Variants in CDK14 observed in about 807,000 individuals in gnomAD.
The protein encoded by CDK14 is cyclin-dependent kinase 14.
CDK14 carries 34 observed loss-of-function variants against 60.7 expected under a neutral mutation model. The observed-to-expected ratio is 0.56, with a 90% confidence interval of 0.43 to 0.75. The LOEUF (loss-of-function observed/expected upper bound fraction) is 0.75, where lower values mean the gene tolerates loss of function less well. CDK14 is among the 30% of genes least tolerant of loss of function. The pLI is 0.00. For synonymous variants in CDK14, 197 were observed against 203.7 expected, an observed-to-expected ratio of 0.97 and a Z score of 0.28; for missense variants, 482 against 564.1, an observed-to-expected ratio of 0.85 and a Z score of 1.47.
chr7:90,750,643 C>T (rs1253685916), intron 4 of CDK14, among the ~76,000 whole-genome samples: 2 of 152,072 alleles, frequency 1.3e-5, no homozygotes, highest in African/African-American at 2.4e-5. Context: ...GAGGCCAAGG[C>T]GAGCGGATCA....
At chr7:91,196,971 G>C (rs1370108182) in intron 14 of CDK14, among the ~76,000 whole-genome samples, 3 of 152,152 alleles carry the variant, frequency 2.0e-5, no homozygotes, top group Non-Finnish European at 4.4e-5. Context: ...GTGTAATAAA[G>C]TGCCAAACCT....
chr7:90,854,466 G>C (rs914758965), intron 5 of CDK14, among the ~76,000 whole-genome samples: 29 of 152,238 alleles, frequency 1.9e-4, no homozygotes, highest in African/African-American at 6.7e-4. Flanking sequence ...GGAGGTTGAG[G>C]CTGCAATGAG....
chr7:90,826,398 T>C (rs1215751875), intron 5 of CDK14, among the ~76,000 whole-genome samples: 1 of 152,048 alleles, frequency 6.6e-6, no homozygotes, highest in East Asian at 1.9e-4. Flanking sequence ...TTTGTATTTT[T>C]AGTAGAGACA....
At chr7:90,990,650 T>C (rs971332670) in intron 10 of CDK14, among the ~76,000 whole-genome samples, 2 of 152,154 alleles carry the variant, frequency 1.3e-5, no homozygotes, top group African/African-American at 4.8e-5. Context: ...ATTTTCACAA[T>C]TGAGTTCATG....
At chr7:90,961,741 C>T (rs1794609157) in intron 9 of CDK14, among the ~76,000 whole-genome samples, 1 of 152,192 alleles carries the variant, frequency 6.6e-6, no homozygotes, top group South Asian at 2.1e-4. Flanking sequence ...GAACTGGGGA[C>T]AGTCAGAAGG....
rs1796733191 is a variant in CDK14, at chr7:91,030,570, A to G, written c.1042-15327A>G. Among the ~76,000 whole-genome samples the G allele has an allele frequency of 2.0e-5, 3 of 152,134 alleles. No individual in the cohort carries two copies. In the South Asian group the frequency reaches 6.2e-4, roughly 32 times the overall value. ...TTCTGCCTCTCAAATGCCCCATCCT[A>G]AGTGCAAGTAGGTGCCCCTGTGAAA... On this transcript the variant is annotated intron_variant, in intron 10 of 14. Coordinates refer to ENST00000380050, the MANE Select transcript of CDK14 (RefSeq NM_001287135.2).
intron 10 of CDK14, among the ~76,000 whole-genome samples, chr7:91,012,503 A>C (rs1273800149): frequency 6.6e-6 from 1 of 152,282 alleles, no homozygotes; most frequent in African/African-American, 2.4e-5. Flanking sequence ...ATGTGTCTTC[A>C]ACTCAGGGAG....
intron 14 of CDK14, among the ~76,000 whole-genome samples, chr7:91,153,857 C>G (rs2115701814): frequency 6.6e-6 from 1 of 152,160 alleles, no homozygotes; most frequent in East Asian, 1.9e-4. Flanking sequence ...TGTAACAAAC[C>G]TGCATATGTA....
At chr7:91,099,718 G>T (rs1220138613) in intron 12 of CDK14, among the ~76,000 whole-genome samples, 1 of 152,084 alleles carries the variant, frequency 6.6e-6, no homozygotes, top group Non-Finnish European at 1.5e-5. Flanking sequence ...AAGGTTGTGA[G>T]TTACCTAATG....
At chr7:90,922,137 A>G (rs925147452) in intron 8 of CDK14, among the ~76,000 whole-genome samples, 1 of 152,204 alleles carries the variant, frequency 6.6e-6, no homozygotes, top group African/African-American at 2.4e-5. Context: ...TTTATGCACA[A>G]AATTCACCAT....
intron 8 of CDK14, among the ~76,000 whole-genome samples, chr7:90,949,602 C>A (rs1436588471): frequency 6.6e-6 from 1 of 152,050 alleles, no homozygotes; most frequent in Non-Finnish European, 1.5e-5. Context: ...TAAATAAAAT[C>A]AAATATTACC....
rs10233004 is a variant in CDK14, at chr7:90,969,672, C to T, written c.947+13855C>T. ...CTATGCTTATTCCTTAGAGAAGGGC[C>T]GTTATTGGTAGAGTTTTAAATGAAT... On this transcript the variant is annotated intron_variant, in intron 9 of 14. Transcript: ENST00000380050. Among the ~76,000 whole-genome samples, 518 of 152,102 alleles carry T rather than the reference C, an allele frequency of 3.4e-3. 3 individuals carry two copies. Among genetic ancestry groups the T allele is most frequent in the African/African-American group, 0.012 (480 of 41,486 alleles).
intron 2 of CDK14, among the ~76,000 whole-genome samples, chr7:90,711,400 G>A (rs73220681): frequency 0.14 from 20,886 of 150,762 alleles, 1,700 homozygotes; most frequent in Middle Eastern, 0.24. Flanking sequence ...AAGATGATGC[G>A]CCCTGTGTTT....
intron 10 of CDK14, among the ~76,000 whole-genome samples, chr7:91,016,982 TAAGG>T (rs775265075): frequency 1.2e-4 from 19 of 152,184 alleles, no homozygotes; most frequent in Non-Finnish European, 2.5e-4. Context: ...AAAATGATAT[TAAGG>T]AAGAAGGCAG....
At chr7:90,706,182 T>C (rs954880600) in intron 2 of CDK14, among the ~76,000 whole-genome samples, 3 of 152,186 alleles carry the variant, frequency 2.0e-5, no homozygotes, top group Non-Finnish European at 4.4e-5. Context: ...GACATCTCAA[T>C]GGCCTCTAAT....
At chr7:90,907,940 T>C (rs1792765937) in intron 7 of CDK14, among the ~76,000 whole-genome samples, 1 of 152,150 alleles carries the variant, frequency 6.6e-6, no homozygotes, top group Non-Finnish European at 1.5e-5. Flanking sequence ...TTTCTCCATA[T>C]TCTTCATTAG....
intron 6 of CDK14, among the ~76,000 whole-genome samples, chr7:90,871,829 G>T (rs927879190): frequency 5.9e-5 from 9 of 152,168 alleles, no homozygotes; most frequent in African/African-American, 2.2e-4. Flanking sequence ...GTTTCCAGTG[G>T]CTACATCATA....
intron 2 of CDK14, among the ~76,000 whole-genome samples, chr7:90,664,472 A>G (rs1384255927): frequency 1.3e-5 from 2 of 152,224 alleles, no homozygotes; most frequent in Non-Finnish European, 2.9e-5. Flanking sequence ...TCATGCTGCC[A>G]TAAAGACACA....
intron 6 of CDK14, among the ~76,000 whole-genome samples, chr7:90,895,386 CTCTCCTCTCCTCTCCTCT>C (rs1792280566): frequency 2.3e-4 from 2 of 8,756 alleles, no homozygotes; most frequent in Non-Finnish European, 4.1e-4. Context: ...CTCTCCTCTC[CTCTCCTCTCCTCTCCTCT>C]CCTCTCCTCT....
Sources: gnomAD v4.1 joint callset for allele counts (sites outside exome capture counted in the v4.1 genomes callset) on GRCh38, gnomAD v4.1.1 for gene constraint, MANE v1.5 for transcripts, NCBI Gene and HGNC (gene_info 2026-07-23, HGNC 2026-07-21) for gene names.